Variants in MTMR2 observed in about 807,000 individuals in gnomAD.
MTMR2 encodes myotubularin related protein 2.
In MTMR2, 55 loss-of-function variants were observed where a neutral mutation model predicts 86.9. The ratio of observed to expected loss-of-function variants is 0.63; its 90% CI spans 0.51 to 0.79. MTMR2 has a LOEUF of 0.79. Ranked by LOEUF, MTMR2 falls within the 30% of genes least tolerant of loss-of-function variation. MTMR2 has a pLI of 0.00. For synonymous variants in MTMR2, 241 were observed against 266.8 expected, an observed-to-expected ratio of 0.90 and a Z score of 0.94; for missense variants, 659 against 772.3, an observed-to-expected ratio of 0.85 and a Z score of 1.74.
chr11:95,868,809 TATA>T (rs1864737487), intron 2 of MTMR2, among the ~76,000 whole-genome samples: 1 of 152,042 alleles, frequency 6.6e-6, no homozygotes, highest in African/African-American at 2.4e-5. Flanking sequence ...CAAGGTTATC[TATA>T]ATACCATATT....
chr11:95,884,450 T>C (rs561514622), intron 2 of MTMR2, among the ~76,000 whole-genome samples: 1 of 152,304 alleles, frequency 6.6e-6, no homozygotes, highest in East Asian at 1.9e-4. Flanking sequence ...CTCCTAGTAA[T>C]GTATCCTACA....
In MTMR2 at chr11:95,849,816, C is replaced by G. The variant is rs1863945148; in HGVS notation, c.851G>C (p.Cys284Ser). Residue 284 changes from cysteine (C) to serine (S), a missense_variant, in exon 9 of 15, where the codon TGT (cysteine) becomes TCT (serine). Around this residue, in one of 3 missense-constraint regions of MTMR2, gnomAD observed 387 missense variants for 526.3 expected, o/e 0.74. Transcript: ENST00000346299. ...ACTCACTCCAACCATGGGCTGGCTACACCGAGTGATTGTGGCTTGACTTTC... is the reference window on the plus strand; with the variant it reads ...ACTCACTCCAACCATGGGCTGGCTAGACCGAGTGATTGTGGCTTGACTTTC... The part of the protein sequence containing the change: ...HPESQATITR[C>S]SQPMVGVSGK... 1 of 1,614,038 alleles carries G rather than the reference C, an allele frequency of 6.2e-7. No individual in the cohort carries two copies. The highest frequency in any genetic ancestry group is 8.5e-7 in the Non-Finnish European group (1 of 1,180,002).
At chr11:95,909,466 T>A (rs977161449) in intron 1 of MTMR2, among the ~76,000 whole-genome samples, 1 of 152,076 alleles carries the variant, frequency 6.6e-6, no homozygotes. Context: ...GGCAGAAAAA[T>A]CTGTCTCCAG....
chr11:95,920,029 A>C (rs921981315), intron 1 of MTMR2, among the ~76,000 whole-genome samples: 1 of 152,208 alleles, frequency 6.6e-6, no homozygotes, highest in Non-Finnish European at 1.5e-5. Flanking sequence ...TCTGAGACTC[A>C]AGCCTACTCT....
In MTMR2 at chr11:95,834,364, T is replaced by A. The variant is rs1477263978; in HGVS notation, c.*926A>T. On this transcript the variant is annotated 3_prime_UTR_variant, in exon 15 of 15. Transcript: ENST00000346299. Reference sequence around the variant, plus strand: ...TTACAGAATTTGCAAAGGAAAAAAATGTAAAATTTGAGCACAGTACTTCTC... The same window carrying A: ...TTACAGAATTTGCAAAGGAAAAAAAAGTAAAATTTGAGCACAGTACTTCTC... The A allele has an allele frequency of 6.6e-6, 1 of 152,144 alleles. No individual in the cohort carries two copies. The highest frequency in any genetic ancestry group is 6.6e-5 in the Admixed American group (1 of 15,244). The allele number at this position is 152,144 out of a possible 1,614,324, so 9.4% of individuals were successfully genotyped here.
chr11:95,839,320 G>A (rs552896667), intron 12 of MTMR2, among the ~76,000 whole-genome samples: 74 of 151,930 alleles, frequency 4.9e-4, no homozygotes, highest in Non-Finnish European at 9.3e-4. Flanking sequence ...ACTTTGTCAA[G>A]TCCCATTTAT....
intron 7 of MTMR2, among the ~76,000 whole-genome samples, chr11:95,854,990 G>C (rs201421526): frequency 7.0e-6 from 1 of 141,852 alleles, no homozygotes; most frequent in African/African-American, 2.6e-5. Context: ...TTGTATTTTT[G>C]GTAGAGACAG....
At chr11:95,846,078 G>A (rs1000722705) in intron 10 of MTMR2, among the ~76,000 whole-genome samples, 2 of 152,044 alleles carry the variant, frequency 1.3e-5, no homozygotes, top group Non-Finnish European at 2.9e-5. Flanking sequence ...GTACTATGAC[G>A]ATCTTGACTA....
chr11:95,836,135 G>A lies in MTMR2; in HGVS notation c.1770+13C>T. ...TGAATGAAAACTCCCATTGTATATTGTAAGGCACATACCTGTGGTTTCATC... is the reference window on the plus strand; with the variant it reads ...TGAATGAAAACTCCCATTGTATATTATAAGGCACATACCTGTGGTTTCATC... On this transcript the variant is annotated intron_variant, in intron 14 of 14. Coordinates refer to ENST00000346299, the MANE Select transcript of MTMR2 (RefSeq NM_016156.6). 1 of 1,590,996 alleles carries A rather than the reference G, an allele frequency of 6.3e-7. No individual in the cohort carries two copies. Among genetic ancestry groups the A allele is most frequent in the East Asian group, 2.2e-5 (1 of 44,826 alleles).
intron 5 of MTMR2, among the ~76,000 whole-genome samples, chr11:95,860,323 G>A (rs1173476769): frequency 6.6e-6 from 1 of 152,072 alleles, no homozygotes; most frequent in Non-Finnish European, 1.5e-5. Flanking sequence ...CCAATGTGGT[G>A]AAACCCATCT....
In MTMR2 at chr11:95,890,390, T is replaced by A. The variant is rs78696428; in HGVS notation, c.81-2129A>T. On this transcript the variant is annotated intron_variant, in intron 1 of 14. Transcript: ENST00000346299. ...AAATAGATTCCCCTTTCTCCCTAAC[T>A]TTGATCAGGGTAGTTTGTGCCCTGC... 6.0e-3 allele frequency among the ~76,000 whole-genome samples: 921 copies of A among 152,292 alleles called. 14 individuals are homozygous for A. The highest frequency in any genetic ancestry group is 0.021 in the African/African-American group (861 of 41,566).
chr11:95,851,703 C>T (rs1438933643), intron 7 of MTMR2, among the ~76,000 whole-genome samples: 1 of 152,204 alleles, frequency 6.6e-6, no homozygotes, highest in Non-Finnish European at 1.5e-5. Flanking sequence ...AGAAGTCAGG[C>T]ACCAAGTGTC....
chr11:95,900,758 T>TA (rs1222992888), intron 1 of MTMR2, among the ~76,000 whole-genome samples: 1 of 152,192 alleles, frequency 6.6e-6, no homozygotes, highest in Non-Finnish European at 1.5e-5. Flanking sequence ...TGCATAAACT[T>TA]ACACAATACC....
chr11:95,913,472 C>T (rs977529924), intron 1 of MTMR2, among the ~76,000 whole-genome samples: 1 of 152,124 alleles, frequency 6.6e-6, no homozygotes, highest in Non-Finnish European at 1.5e-5. Context: ...GGTTCTTCAA[C>T]TGTTAAATGC....
intron 2 of MTMR2, among the ~76,000 whole-genome samples, chr11:95,883,249 T>TA (rs968777903): frequency 1.3e-5 from 2 of 152,208 alleles, no homozygotes; most frequent in African/African-American, 4.8e-5. Context: ...ATTTGAATTT[T>TA]AAAATCCTAT....
At chr11:95,905,337 A>G (rs780704658) in intron 1 of MTMR2, among the ~76,000 whole-genome samples, 48,949 of 127,562 alleles carry the variant, frequency 0.38, 8,367 homozygotes, top group Non-Finnish European at 0.41. Flanking sequence ...CTGCGCACAC[A>G]CACACACACA....
In MTMR2 at chr11:95,906,097, C is replaced by T. The variant is rs566650233; in HGVS notation, c.80+17778G>A. On this transcript the variant is annotated intron_variant, in intron 1 of 14. Coordinates refer to ENST00000346299, the MANE Select transcript of MTMR2 (RefSeq NM_016156.6). Reference sequence around the variant, plus strand: ...AAAGTTAGCCAGGTGTGGTGGCACACGCCTGTAATCTTAGTTATTCAGGAG... The same window carrying T: ...AAAGTTAGCCAGGTGTGGTGGCACATGCCTGTAATCTTAGTTATTCAGGAG... Among the ~76,000 whole-genome samples, 64 of 152,160 alleles carry T rather than the reference C, an allele frequency of 4.2e-4. No homozygotes were observed. The South Asian group carries it at 0.01, about 25-fold the overall frequency.
intron 7 of MTMR2, among the ~76,000 whole-genome samples, chr11:95,853,506 C>G (rs929790664): frequency 3.3e-5 from 5 of 152,118 alleles, no homozygotes; most frequent in Non-Finnish European, 5.9e-5. Flanking sequence ...AAGTCCTTTA[C>G]CAGACTTAGC....
chr11:95,916,840 T>C (rs943165209), intron 1 of MTMR2, among the ~76,000 whole-genome samples: 1 of 152,060 alleles, frequency 6.6e-6, no homozygotes, highest in Non-Finnish European at 1.5e-5. Context: ...TATTCACCAG[T>C]GATTATGGCC....
Sources: gnomAD v4.1 joint callset for allele counts (sites outside exome capture counted in the v4.1 genomes callset) on GRCh38, gnomAD v4.1.1 for gene constraint, gnomAD v4.1.1 regional missense constraint, MANE v1.5 for transcripts, NCBI Gene and HGNC (gene_info 2026-07-23, HGNC 2026-07-21) for gene names.